The following OTOG variants were observed in gnomAD, a reference collection of about 807,000 sequenced individuals.
OTOG encodes the protein otogelin.
In OTOG, 296 loss-of-function variants were observed where a neutral mutation model predicts 313.8. The ratio of observed to expected loss-of-function variants is 0.94; its 90% CI spans 0.86 to 1.04. The LOEUF is 1.04. OTOG is among the 50% of genes least tolerant of loss of function. The probability of loss-of-function intolerance (pLI) is 0.00; values close to 1 mark genes in which losing one functional copy is unlikely to be tolerated. For synonymous variants in OTOG, 1,533 were observed against 1,554.9 expected (o/e 0.99, Z 0.33); for missense variants, 3,948 against 3,840.1 (o/e 1.03, Z -0.74).
At chr11:17,642,350 C>T (rs566277944) in intron 53 of OTOG, 104 bp downstream of exon 53, 3 of 1,394,692 alleles carry the variant, frequency 2.2e-6, no homozygotes, top group African/African-American at 2.9e-5. Context: ...AGAAGGGCTC[C>T]CTGGAGCCTG....
Position 17,633,718 on chromosome 11 carries a change from GTGAC to G in OTOG, c.7112_7115del (p.Val2371GlufsTer14). 6.5e-7 allele frequency: 1 copy of G among 1,549,178 alleles called. No homozygotes were observed. The highest frequency in any genetic ancestry group is 8.7e-7 in the Non-Finnish European group (1 of 1,146,346). ...CAGCGACTCCACATACCAGGCATGTGTGACAGCCTGTGAGCCACCCAAGACATGC... is the reference window on the plus strand; with the variant it reads ...CAGCGACTCCACATACCAGGCATGTGAGCCTGTGAGCCACCCAAGACATGC... On this transcript the variant is annotated frameshift_variant, in exon 43 of 56. Transcript: ENST00000399397. LOFTEE classifies it high-confidence loss of function.
intron 20 of OTOG, among the ~76,000 whole-genome samples, chr11:17,575,905 C>T (rs951519525): frequency 2.6e-5 from 4 of 152,190 alleles, no homozygotes; most frequent in South Asian, 2.1e-4. Context: ...TAACTCACTG[C>T]GCTGCTCCAA....
intron 55 of OTOG, 24 bp downstream of exon 55, chr11:17,645,667 G>A (rs1022184107): frequency 1.3e-6 from 2 of 1,550,648 alleles, no homozygotes; most frequent in Non-Finnish European, 8.7e-7. Context: ...ACAAGGCAGT[G>A]GGGCAGCAAA....
At position 17,552,020 on chromosome 11, in the gene OTOG, C is replaced by A; in HGVS notation, c.237C>A (p.Ser79=). 6.4e-7 allele frequency: 1 copy of A among 1,550,416 alleles called. No homozygotes were observed. Among genetic ancestry groups the A allele is most frequent in the Non-Finnish European group, 8.7e-7 (1 of 1,146,902 alleles). ...VGGQQAEAPD[S]VAMSSWERRL... ...ACAAGCAGGCTGAAGCCCCAGACTC[C>A]GTGGCCATGTCTTCCTGGGAAAGGC... The change falls in exon 4 of 56, where the codon TCC becomes TCA. Residue 79 remains serine (S), a synonymous_variant. Coordinates refer to ENST00000399397, the MANE Select transcript of OTOG (RefSeq NM_001292063.2).
At chr11:17,553,567 T>C (rs1045321988) in intron 6 of OTOG, 48 bp downstream of exon 6, 16 of 1,383,856 alleles carry the variant, frequency 1.2e-5, no homozygotes, top group Non-Finnish European at 1.5e-5. Context: ...CTCTAGGCCC[T>C]GGAGGCTGCA....
At chr11:17,638,812 C>A (rs1331685540) in intron 48 of OTOG, 107 of 1,455,684 alleles carry the variant, frequency 7.4e-5, no homozygotes, top group Non-Finnish European at 9.7e-5. Flanking sequence ...AAAGTCCTTA[C>A]TGCGGCCGGG....
At chr11:17,635,810 GC>G in intron 47 of OTOG, 99 bp downstream of exon 47, 3 of 997,992 alleles carry the variant, frequency 3.0e-6, no homozygotes, top group Non-Finnish European at 3.0e-6. Context: ...GCAACAGAGC[GC>G]CCCCAGGTGG....
intron 24 of OTOG, among the ~76,000 whole-genome samples, chr11:17,589,960 C>T (rs569405701): frequency 6.6e-6 from 1 of 152,224 alleles, no homozygotes; most frequent in South Asian, 2.1e-4. Flanking sequence ...CTTGCTTTTC[C>T]TCCGACCTCT....
Position 17,596,049 on chromosome 11 carries a change from C to T in OTOG, c.3420C>T (p.Thr1140=), listed in dbSNP as rs1435289367. The part of the protein sequence containing the change: ...SSWAAVECPD[T]LDPRDMCVLN... ...CCTTTGCCCCTCAGTGCCCAGACAC[C>T]CTCGATCCTCGGGATATGTGTGTCC... The change falls in exon 29 of 56, where the codon ACC becomes ACT. Residue 1140 remains threonine (T), a synonymous_variant. Transcript: ENST00000399397. 8 of 1,550,734 alleles carry T rather than the reference C, an allele frequency of 5.2e-6. No homozygotes were observed. The African/African-American group carries it at 9.6e-5, about 19-fold the overall frequency.
At chr11:17,590,365 G>A (rs976186957) in intron 24 of OTOG, among the ~76,000 whole-genome samples, 1 of 152,192 alleles carries the variant, frequency 6.6e-6, no homozygotes, top group African/African-American at 2.4e-5. Flanking sequence ...AGTCAACCTC[G>A]AGTCTTGTCT....
Position 17,610,196 on chromosome 11 carries a change from G to A in OTOG, c.4896G>A (p.Thr1632=), listed in dbSNP as rs143785785. 157 of 1,550,478 alleles carry A rather than the reference G, an allele frequency of 1.0e-4. 1 individual carries two copies. The East Asian group carries it at 2.3e-3, about 23-fold the overall frequency. ...VRGHGSLPVR[T]TPPQPSLTAS... ...GCCATGGCTCCTTGCCTGTTAGGACGACACCCCCACAGCCCTCCTTGACAG... is the reference window on the plus strand; with the variant it reads ...GCCATGGCTCCTTGCCTGTTAGGACAACACCCCCACAGCCCTCCTTGACAG... Residue 1632 remains threonine, a synonymous_variant, in exon 36 of 56, where the codon ACG becomes ACA. Transcript: ENST00000399397.
chr11:17,568,197 G>A (rs113496628), intron 15 of OTOG, among the ~76,000 whole-genome samples: 35 of 152,250 alleles, frequency 2.3e-4, no homozygotes, highest in East Asian at 1.4e-3. Flanking sequence ...GTGAGCCACC[G>A]CACCCGGCCA....
chr11:17,547,818 G>C, intron 1 of OTOG, 109 bp from the exon 2 acceptor site: 2 of 440,352 alleles, frequency 4.5e-6, no homozygotes, highest in Non-Finnish European at 8.0e-6. Context: ...AGGGAGAATG[G>C]GGGAATGCTC....
intron 4 of OTOG, among the ~76,000 whole-genome samples, chr11:17,552,865 G>A (rs1050302142): frequency 1.3e-5 from 2 of 152,230 alleles, no homozygotes; most frequent in African/African-American, 4.8e-5. Context: ...AGCAACTGAA[G>A]GCCCAGGTGG....
chr11:17,564,796 T>A (rs942728144), intron 15 of OTOG, among the ~76,000 whole-genome samples: 1 of 152,208 alleles, frequency 6.6e-6, no homozygotes, highest in Non-Finnish European at 1.5e-5. Context: ...TTAAATATGA[T>A]GAGACAGGCC....
At chr11:17,576,993 G>A (rs1852544895) in intron 22 of OTOG, 82 bp downstream of exon 22, 1 of 1,389,048 alleles carries the variant, frequency 7.2e-7, no homozygotes. Flanking sequence ...TGATCAGGCT[G>A]TGGCAAGCCC....
intron 39 of OTOG, among the ~76,000 whole-genome samples, chr11:17,614,812 T>C (rs1352381150): frequency 2.0e-5 from 3 of 152,234 alleles, no homozygotes; most frequent in African/African-American, 7.2e-5. Context: ...ATTTGAGTTG[T>C]TTCCAGTTTG....
chr11:17,588,331 C>T (rs1004208181), intron 24 of OTOG, among the ~76,000 whole-genome samples: 3 of 152,288 alleles, frequency 2.0e-5, no homozygotes, highest in South Asian at 2.1e-4. Context: ...AGATGTGTTG[C>T]GCTGGTGTGA....
chr11:17,596,805 A>G (rs1853120568), intron 29 of OTOG, 46 bp from the exon 30 acceptor site: 1 of 1,506,058 alleles, frequency 6.6e-7, no homozygotes, highest in East Asian at 2.5e-5. Context: ...TGCAGATCTG[A>G]CATTTGGGAT....
Sources: allele counts gnomAD v4.1 joint callset (sites outside exome capture counted in the v4.1 genomes callset), GRCh38; gene constraint gnomAD v4.1.1; transcripts MANE v1.5; gene names NCBI Gene and HGNC (gene_info 2026-07-23, HGNC 2026-07-21).